TBC1D5: variants seen among roughly 807,000 people sequenced by gnomAD.
TBC1D5 encodes the protein TBC1 domain family, member 5.
Under a neutral mutation model 100.3 loss-of-function variants are expected in TBC1D5, and 75 were observed. That is an observed-to-expected ratio of 0.75 (90% CI 0.62 to 0.91). TBC1D5 has a LOEUF of 0.91. TBC1D5 is among the 40% of genes least tolerant of loss of function. TBC1D5 has a pLI of 0.00. For missense variants in TBC1D5, 910 were observed against 942.4 expected, an observed-to-expected ratio of 0.97 and a Z score of 0.45; for synonymous variants, 323 against 325.6, an observed-to-expected ratio of 0.99 and a Z score of 0.09.
intron 2 of TBC1D5, among the ~76,000 whole-genome samples, chr3:17,612,883 CTTTT>C (rs1188476198): frequency 2.0e-5 from 3 of 147,804 alleles, no homozygotes; most frequent in Admixed American, 6.7e-5. Flanking sequence ...AGAAAGCCCC[CTTTT>C]CTTTTTTTTT....
intron 8 of TBC1D5, among the ~76,000 whole-genome samples, chr3:17,398,814 C>T (rs1241919239): frequency 6.6e-6 from 1 of 151,904 alleles, no homozygotes; most frequent in African/African-American, 2.4e-5. Flanking sequence ...ATCTCTAGTG[C>T]CTGGTACACT....
In TBC1D5 at chr3:17,394,465, C is replaced by A. The variant is rs76304372; in HGVS notation, c.509+8716G>T. Among the ~76,000 whole-genome samples, 520 of 152,022 alleles carry A rather than the reference C, an allele frequency of 3.4e-3. 2 individuals are homozygous for A. Among genetic ancestry groups the A allele is most frequent in the African/African-American group, 0.012 (506 of 41,486 alleles). ...TCTGAGCTTCAACTTTTCACCTTTG[C>A]AAAATAAAAGGATTTTACTAGATGA... On this transcript the variant is annotated intron_variant, in intron 8 of 21. Transcript: ENST00000253692.
chr3:17,493,259 T>G (rs1182826749), intron 3 of TBC1D5, among the ~76,000 whole-genome samples: 1 of 152,026 alleles, frequency 6.6e-6, no homozygotes, highest in Non-Finnish European at 1.5e-5. Context: ...GAATGTTGAA[T>G]ATTGGCCTCC....
At chr3:17,496,289 G>A (rs987550891) in intron 3 of TBC1D5, among the ~76,000 whole-genome samples, 5 of 152,110 alleles carry the variant, frequency 3.3e-5, no homozygotes, top group Non-Finnish European at 7.4e-5. Flanking sequence ...GACCCTAATT[G>A]TATTAATTGT....
At chr3:17,601,318 C>CTG (rs1361450540) in intron 2 of TBC1D5, among the ~76,000 whole-genome samples, 2 of 152,286 alleles carry the variant, frequency 1.3e-5, no homozygotes, top group Non-Finnish European at 2.9e-5. Context: ...CATGACCAGC[C>CTG]TGACCAACAT....
In TBC1D5 at chr3:17,236,869, T is replaced by C. The variant is rs2075900093; in HGVS notation, c.1588+1294A>G. Among the ~76,000 whole-genome samples the C allele has an allele frequency of 2.0e-5, 3 of 152,230 alleles. 1 individual carries two copies. The South Asian group carries it at 6.2e-4, about 32-fold the overall frequency. ...GTATTTTACATAGGCAAATAAAAATTAAATAGAAGAATAACATGATGTAAC... is the reference window on the plus strand; with the variant it reads ...GTATTTTACATAGGCAAATAAAAATCAAATAGAAGAATAACATGATGTAAC... On this transcript the variant is annotated intron_variant, in intron 17 of 21. Transcript: ENST00000253692.
chr3:17,594,759 G>A (rs1439064608), intron 2 of TBC1D5, among the ~76,000 whole-genome samples: 1 of 152,180 alleles, frequency 6.6e-6, no homozygotes, highest in East Asian at 1.9e-4. Context: ...TATGTTAGGT[G>A]TAATTATGAC....
At chr3:17,299,407 TA>T (rs978914554) in intron 14 of TBC1D5, among the ~76,000 whole-genome samples, 1 of 152,190 alleles carries the variant, frequency 6.6e-6, no homozygotes, top group Non-Finnish European at 1.5e-5. Context: ...TGTGGAAACT[TA>T]AACTGCAGAT....
rs150619488 is a variant in TBC1D5 at position 17,712,435 on chromosome 3, CCT to C, written c.-101+26906_-101+26907del. 3.6e-3 allele frequency among the ~76,000 whole-genome samples: 548 copies of C among 152,270 alleles called. 4 individuals carry two copies. The highest frequency in any genetic ancestry group is 0.013 in the African/African-American group (530 of 41,542). On this transcript the variant is annotated intron_variant, in intron 1 of 21. Transcript: ENST00000253692. ...CATTTTGTTTCCCACATGCCAGTCC[CCT>C]CTGTTTTTATAATGACCACAGGCTA...
At chr3:17,454,080 G>T (rs1344594571) in intron 3 of TBC1D5, among the ~76,000 whole-genome samples, 1 of 152,054 alleles carries the variant, frequency 6.6e-6, no homozygotes, top group African/African-American at 2.4e-5. Context: ...TATCCTCCAG[G>T]ATAAACGCCT....
At chr3:17,482,473 ATG>A (rs569263770) in intron 3 of TBC1D5, among the ~76,000 whole-genome samples, 6 of 152,228 alleles carry the variant, frequency 3.9e-5, no homozygotes, top group Non-Finnish European at 7.3e-5. Flanking sequence ...GTCATCATTA[ATG>A]TATTCAGGTT....
chr3:17,376,111 T>C (rs1284827463), intron 10 of TBC1D5, among the ~76,000 whole-genome samples: 1 of 152,172 alleles, frequency 6.6e-6, no homozygotes, highest in Non-Finnish European at 1.5e-5. Context: ...TGTGGCTCCT[T>C]ATGAATTAAG....
chr3:17,428,549 A>T, intron 3 of TBC1D5, 30 bp from the exon 4 acceptor site: 1 of 1,253,534 alleles, frequency 8.0e-7, no homozygotes, highest in Non-Finnish European at 1.1e-6. Flanking sequence ...CACTGAAATA[A>T]TGGAGATAAA....
intron 1 of TBC1D5, among the ~76,000 whole-genome samples, chr3:17,666,226 TA>T (rs1337605021): frequency 6.6e-6 from 1 of 152,186 alleles, no homozygotes; most frequent in East Asian, 1.9e-4. Context: ...TCCCTATACA[TA>T]AAGTATTTCC....
At chr3:17,260,536 G>A (rs2078181869) in intron 15 of TBC1D5, among the ~76,000 whole-genome samples, 1 of 152,138 alleles carries the variant, frequency 6.6e-6, no homozygotes, top group Non-Finnish European at 1.5e-5. Flanking sequence ...GTAGTTTAAA[G>A]TACCACTGTA....
chr3:17,359,787 G>T (rs1445126172), intron 13 of TBC1D5, among the ~76,000 whole-genome samples: 3 of 151,914 alleles, frequency 2.0e-5, no homozygotes, highest in African/African-American at 7.2e-5. Flanking sequence ...CAATAGAAAA[G>T]AGCTTATTAG....
At chr3:17,564,032 T>C (rs191369067) in intron 2 of TBC1D5, among the ~76,000 whole-genome samples, 3,568 of 152,352 alleles carry the variant, frequency 0.023, 49 homozygotes, top group Middle Eastern at 0.061. Context: ...TCCGCCCGCC[T>C]TGGCCTCCCA....
At chr3:17,648,506 C>T (rs1191300603) in intron 1 of TBC1D5, among the ~76,000 whole-genome samples, 1 of 152,114 alleles carries the variant, frequency 6.6e-6, no homozygotes, top group African/African-American at 2.4e-5. Flanking sequence ...AAAGCTTCTG[C>T]ACAGCAAAAG....
At chr3:17,615,375 G>C (rs2062060291) in intron 2 of TBC1D5, among the ~76,000 whole-genome samples, 1 of 152,094 alleles carries the variant, frequency 6.6e-6, no homozygotes, top group Non-Finnish European at 1.5e-5. Flanking sequence ...GCCAGGTGTT[G>C]GTATCAGAAT....
Sources: gnomAD v4.1 joint callset for allele counts (sites outside exome capture counted in the v4.1 genomes callset) on GRCh38, gnomAD v4.1.1 for gene constraint, MANE v1.5 for transcripts, NCBI Gene and HGNC (gene_info 2026-07-23, HGNC 2026-07-21) for gene names.